KAZN: variants seen among roughly 807,000 people sequenced by gnomAD.
KAZN encodes the protein kazrin, periplakin interacting protein, also known as kazrin.
Under a neutral mutation model 87.4 loss-of-function variants are expected in KAZN, and 40 were observed. The ratio of observed to expected loss-of-function variants is 0.46; its 90% CI spans 0.36 to 0.60. The LOEUF (loss-of-function observed/expected upper bound fraction) is 0.60, where lower values mean the gene tolerates loss of function less well. Among genes scored for constraint, KAZN ranks in the 20% least tolerant of loss-of-function variants. The pLI is 0.00. For synonymous variants in KAZN, 466 were observed against 458.3 expected (o/e 1.02, Z -0.22); for missense variants, 898 against 1,073.9 (o/e 0.84, Z 2.29).
At chr1:14,813,704 A>C (rs992830075) in intron 1 of KAZN, among the ~76,000 whole-genome samples, 3 of 152,228 alleles carry the variant, frequency 2.0e-5, no homozygotes, top group African/African-American at 7.2e-5. Context: ...GGAAGTTGTC[A>C]GCATCAAATT....
intron 1 of KAZN, among the ~76,000 whole-genome samples, chr1:14,179,547 A>G (rs960707660): frequency 6.6e-6 from 1 of 152,214 alleles, no homozygotes; most frequent in Non-Finnish European, 1.5e-5. Flanking sequence ...CTTGATAATG[A>G]CATTTTTCTT....
At chr1:14,974,492 A>T (rs551262757) in intron 2 of KAZN, among the ~76,000 whole-genome samples, 1 of 152,346 alleles carries the variant, frequency 6.6e-6, no homozygotes, top group East Asian at 1.9e-4. Context: ...CACCTAGGAA[A>T]TACACATCCA....
At chr1:14,910,076 T>TGAAC (rs1396667842) in intron 1 of KAZN, among the ~76,000 whole-genome samples, 1 of 151,890 alleles carries the variant, frequency 6.6e-6, no homozygotes, top group African/African-American at 2.4e-5. Flanking sequence ...AATGAATGAA[T>TGAAC]GAATGAATGA....
intron 1 of KAZN, among the ~76,000 whole-genome samples, chr1:14,118,751 G>A (rs1644685402): frequency 6.6e-6 from 1 of 152,154 alleles, no homozygotes; most frequent in Admixed American, 6.5e-5. Context: ...TTTACAGATG[G>A]GAAGACTGGG....
chr1:14,883,342 G>GAGAGAGAGAGAGAAAGAAAGA (rs1377953212), intron 1 of KAZN, among the ~76,000 whole-genome samples: 1 of 33,484 alleles, frequency 3.0e-5, no homozygotes, highest in African/African-American at 9.3e-5. Flanking sequence ...GAGAGAGAGA[G>GAGAGAGAGAGAGAAAGAAAGA]AAAGAAAGAA....
chr1:14,231,285 T>C (rs1237637636), intron 2 of KAZN, among the ~76,000 whole-genome samples: 2 of 152,220 alleles, frequency 1.3e-5, no homozygotes, highest in African/African-American at 4.8e-5. Context: ...AATGAGCCCC[T>C]GAATTGCTGG....
chr1:14,591,418 A>AACACACACACACACACACACAC (rs36060158), intron 2 of KAZN, among the ~76,000 whole-genome samples: 13 of 147,392 alleles, frequency 8.8e-5, no homozygotes, highest in African/African-American at 2.8e-4. Context: ...GGAAAGAAGA[A>AACACACACACACACACACACAC]ACACACACAC....
At chr1:14,568,394 A>G (rs1281939469) in intron 2 of KAZN, among the ~76,000 whole-genome samples, 4 of 152,226 alleles carry the variant, frequency 2.6e-5, no homozygotes, top group Non-Finnish European at 4.4e-5. Context: ...AGACTGGGTA[A>G]TTTATAAAGA....
At chr1:13,954,821 TTTC>T (rs1641482585) in intron 1 of KAZN, among the ~76,000 whole-genome samples, 1 of 152,244 alleles carries the variant, frequency 6.6e-6, no homozygotes, top group South Asian at 2.1e-4. Context: ...GTTGGACTTT[TTTC>T]TTTTTTTACT....
intron 1 of KAZN, among the ~76,000 whole-genome samples, chr1:13,916,243 G>A (rs1639846981): frequency 6.6e-6 from 1 of 152,134 alleles, no homozygotes; most frequent in African/African-American, 2.4e-5. Flanking sequence ...GAAGGGTGAG[G>A]GATATCTCCC....
rs539674884 is a variant in KAZN, at chr1:14,438,997, C to A, written c.250-159986C>A. 1.9e-4 allele frequency among the ~76,000 whole-genome samples: 29 copies of A among 152,356 alleles called. 1 individual carries two copies. The South Asian group carries it at 5.8e-3, about 30-fold the overall frequency. On this transcript the variant is annotated intron_variant, in intron 2 of 16. Transcript: ENST00000636203. ...GGTATTTATTGCGTCTCCATTCTAA[C>A]AACTGCCCATTGTAAATACCTAGTC...
At position 14,669,023 on chromosome 1, in the gene KAZN, T is replaced by A. The variant is rs530256343; in HGVS notation, c.226+69800T>A. Among the ~76,000 whole-genome samples the A allele has an allele frequency of 4.5e-4, 68 of 152,312 alleles. 1 individual carries two copies. In the South Asian group the frequency reaches 0.013, roughly 30 times the overall value. ...TGGACAAAGGGGGATTTTCAAAGGT[T>A]TATGCTATTCGTAAACATCTTTTAA... On this transcript the variant is annotated intron_variant, in intron 1 of 14. Coordinates refer to ENST00000376030, the MANE Select transcript of KAZN (RefSeq NM_201628.3).
At chr1:13,936,717 A>C (rs1235625027) in intron 1 of KAZN, among the ~76,000 whole-genome samples, 1 of 152,228 alleles carries the variant, frequency 6.6e-6, no homozygotes, top group Non-Finnish European at 1.5e-5. Flanking sequence ...ATTCTTTTTA[A>C]TGGCTGGGTA....
rs1358512377 is a variant in KAZN at position 15,043,976 on chromosome 1, C to T, written c.556-13C>T. Reference sequence around the variant, plus strand: ...GTAACACCCACGGTGCTCTCTCCCTCTCCCACCCACAGGAGAGCGAGGATG... The same window carrying T: ...GTAACACCCACGGTGCTCTCTCCCTTTCCCACCCACAGGAGAGCGAGGATG... On this transcript the variant is annotated splice_polypyrimidine_tract_variant and intron_variant, in intron 3 of 14. Coordinates refer to ENST00000376030, the MANE Select transcript of KAZN (RefSeq NM_201628.3). 6.2e-7 allele frequency: 1 copy of T among 1,600,054 alleles called. No homozygotes were observed. The highest frequency in any genetic ancestry group is 2.2e-5 in the East Asian group (1 of 44,492).
At chr1:14,246,800 G>T (rs912798627) in intron 2 of KAZN, among the ~76,000 whole-genome samples, 14 of 152,066 alleles carry the variant, frequency 9.2e-5, no homozygotes, top group African/African-American at 3.4e-4. Flanking sequence ...TCCATGACCT[G>T]CTTTTTTTTC....
At chr1:14,883,515 G>A (rs1474548790) in intron 1 of KAZN, among the ~76,000 whole-genome samples, 2 of 146,806 alleles carry the variant, frequency 1.4e-5, no homozygotes, top group African/African-American at 5.5e-5. Flanking sequence ...TTTCAAAGGT[G>A]AGACCCTGGG....
chr1:14,429,346 T>C lies in KAZN; in HGVS notation c.250-169637T>C, dbSNP rs540562873. 3.3e-5 allele frequency among the ~76,000 whole-genome samples: 5 copies of C among 152,310 alleles called. No homozygotes were observed. In the South Asian group the frequency reaches 1.0e-3, roughly 32 times the overall value. On this transcript the variant is annotated intron_variant, in intron 2 of 16. Coordinates refer to the KAZN transcript ENST00000636203. ...CACACCGTGGCTAAGTTCTCCCCTT[T>C]TCTCTTGTTCTGGCCAGGCAGAAAA...
At chr1:13,964,348 A>G (rs1366076967) in intron 1 of KAZN, among the ~76,000 whole-genome samples, 2 of 152,224 alleles carry the variant, frequency 1.3e-5, no homozygotes, top group African/African-American at 4.8e-5. Flanking sequence ...GGTTGACAGT[A>G]CTCAGGCAGG....
At chr1:14,674,588 A>C (rs1640105527) in intron 1 of KAZN, among the ~76,000 whole-genome samples, 1 of 152,192 alleles carries the variant, frequency 6.6e-6, no homozygotes, top group African/African-American at 2.4e-5. Flanking sequence ...AGGCACTTCT[A>C]AGCTTAAGCG....
Sources: allele counts gnomAD v4.1 joint callset (sites outside exome capture counted in the v4.1 genomes callset), GRCh38; gene constraint gnomAD v4.1.1; transcripts MANE v1.5; gene names NCBI Gene and HGNC (gene_info 2026-07-23, HGNC 2026-07-21).